Variants in SP110 observed in about 807,000 individuals in gnomAD.
The protein encoded by SP110 is interferon-induced protein 41, 30kD.
In SP110, 62 loss-of-function variants were observed where a neutral mutation model predicts 92.7. The observed-to-expected ratio is 0.67, with a 90% CI of 0.55 to 0.83. The LOEUF is 0.83. SP110 is among the 40% of genes least tolerant of loss of function. The pLI is 0.00. For synonymous variants in SP110, 273 were observed against 305.3 expected (o/e 0.89, Z 1.10); for missense variants, 793 against 863.9 (o/e 0.92, Z 1.03).
rs1359219860 is a variant in SP110, at chr2:230,167,994, C to T, written c.*1130G>A. On this transcript the variant is annotated 3_prime_UTR_variant, in exon 19 of 19. Coordinates refer to ENST00000258381, the MANE Select transcript of SP110 (RefSeq NM_080424.4). ...GGGAACTTGCACATGCCTGTAATCC[C>T]AGCTACTCGGAGGCTGAGGCAGGAG... 1.3e-5 allele frequency: 2 copies of T among 151,046 alleles called. No individual in the cohort carries two copies. The highest frequency in any genetic ancestry group is 4.9e-5 in the African/African-American group (2 of 41,032). The allele number at this position is 151,046 out of a possible 1,614,324, so 9.4% of individuals were successfully genotyped here.
chr2:230,204,002 A>ATG (rs2043477916), intron 8 of SP110, among the ~76,000 whole-genome samples: 1 of 152,162 alleles, frequency 6.6e-6, no homozygotes, highest in Non-Finnish European at 1.5e-5. Context: ...ATTTTATGTC[A>ATG]TGTGTATTTT....
intron 9 of SP110, 57 bp from the exon 10 acceptor site, chr2:230,201,022 C>T (rs1440147620): frequency 4.3e-6 from 6 of 1,380,846 alleles, no homozygotes; most frequent in Non-Finnish European, 6.2e-6. Flanking sequence ...GAGAATCTCC[C>T]AGAGACCCAG....
intron 9 of SP110, 143 bp downstream of exon 9, chr2:230,202,436 T>C (rs2148860016): frequency 1.3e-6 from 1 of 741,740 alleles, no homozygotes; most frequent in Non-Finnish European, 2.2e-6. Context: ...CTCTCTTTGT[T>C]CCTCTTGTTA....
At position 230,172,996 on chromosome 2, in the gene SP110, T is replaced by C. The variant is rs757297259; in HGVS notation, c.1591-37A>G. ...GATAACGTGGGCACCGCTAGGACCA[T>C]GGAGACCCACGAATGCTGACCCTGT... On this transcript the variant is annotated intron_variant, in intron 14 of 18. Coordinates refer to ENST00000258381, the MANE Select transcript of SP110 (RefSeq NM_080424.4). 11 of 1,374,368 alleles carry C rather than the reference T, an allele frequency of 8.0e-6. No homozygotes were observed. In the South Asian group the frequency reaches 1.0e-4, roughly 13 times the overall value. The allele number at this position is 1,374,368 out of a possible 1,614,324, so 85.1% of individuals were successfully genotyped here.
chr2:230,185,145 G>T (rs2042297811), intron 11 of SP110, among the ~76,000 whole-genome samples: 1 of 152,198 alleles, frequency 6.6e-6, no homozygotes, highest in African/African-American at 2.4e-5. Flanking sequence ...GACACTCATG[G>T]CTTCTGCAGA....
intron 4 of SP110, 150 bp from the exon 5 acceptor site, chr2:230,212,580 T>C: frequency 9.4e-7 from 1 of 1,068,842 alleles, no homozygotes; most frequent in Non-Finnish European, 1.5e-6. Flanking sequence ...TGTTCTGGAC[T>C]CTAGGTCTTA....
At chr2:230,220,465 T>C (rs16826886), upstream of SP110, among the ~76,000 whole-genome samples, 1,933 of 152,238 alleles carry the variant, frequency 0.013, 41 homozygotes, top group African/African-American at 0.044. Context: ...CAGGATAAGA[T>C]TATTACAGGA....
At position 230,208,041 on chromosome 2, in the gene SP110, C is replaced by G. The variant is rs754775004; in HGVS notation, c.848G>C (p.Cys283Ser). 18 of 1,559,326 alleles carry G rather than the reference C, an allele frequency of 1.2e-5. No individual in the cohort carries two copies. The highest frequency in any genetic ancestry group is 1.7e-4 in the Middle Eastern group (1 of 5,966). The change falls in exon 8 of 19, where the codon TGT becomes TCT. Residue 283 changes from cysteine (C) to serine (S), a missense_variant. Cys to Ser is a moderately radical substitution (Grantham distance 112, BLOSUM62 -1). Transcript: ENST00000258381. ...SDKKGKKRKR[C>S]IWSTPKRRHK... ...TCTCCTTTTTGGAGTTGACCAGATA[C>G]ATCTTTTTCTTTTCTTTCCTAAAAA...
intron 15 of SP110, chr2:230,172,543 GC>G (rs2078474531): frequency 7.6e-6 from 4 of 524,958 alleles, no homozygotes; most frequent in African/African-American, 5.7e-5. Flanking sequence ...TGTGTGACAA[GC>G]CGTGCTTCCT....
intron 12 of SP110, among the ~76,000 whole-genome samples, chr2:230,182,104 C>T (rs749310733): frequency 3.7e-4 from 56 of 152,212 alleles, no homozygotes; most frequent in Non-Finnish European, 7.2e-4. Flanking sequence ...GGTACATATA[C>T]ACCACGGAAT....
At chr2:230,222,187 G>A (rs144489499), upstream of SP110, among the ~76,000 whole-genome samples, 20 of 147,272 alleles carry the variant, frequency 1.4e-4, no homozygotes, top group East Asian at 1.4e-3. Context: ...CTGAGACTGC[G>A]CCACAGCAGT....
chr2:230,211,634 C>T lies in SP110; in HGVS notation c.668-81G>A. ...TGAGGAGAAAAGAGAATGCTCTATT[C>T]CAACAAGTAAAAATGACGGGGTAAC... On this transcript the variant is annotated intron_variant, in intron 5 of 18. Transcript: ENST00000258381. The surrounding 1 kb of genome is among the most constrained non-coding windows in gnomAD (Gnocchi z 4.2). 2.2e-6 allele frequency: 2 copies of T among 890,110 alleles called. No homozygotes were observed. Among genetic ancestry groups the T allele is most frequent in the Non-Finnish European group, 3.8e-6 (2 of 524,722 alleles). The allele number at this position is 890,110 out of a possible 1,614,324, so 55.1% of individuals were successfully genotyped here. A position where few individuals can be genotyped will look rare whatever the true frequency, so the allele number is the denominator to read the frequency against.
In SP110 at chr2:230,165,895, C is replaced by CTTT. The variant is rs34761414; in HGVS notation, c.*3226_*3228dup. 6.5e-3 allele frequency among the ~76,000 whole-genome samples: 902 copies of CTTT among 138,874 alleles called. 18 individuals are homozygous for CTTT. The highest frequency in any genetic ancestry group is 0.023 in the African/African-American group (845 of 37,322). 91.1% of individuals were successfully genotyped at this position (138,874 alleles called of 152,430 possible). Reference sequence around the variant, plus strand: ...GACAGAAATAAGACCACCTATATAACTTTTTTTTTTTTTTTTGAAACAGAG... The same window carrying CTTT: ...GACAGAAATAAGACCACCTATATAACTTTTTTTTTTTTTTTTTTTGAAACAGAG... On this transcript the variant is annotated 3_prime_UTR_variant, in exon 19 of 19. Coordinates refer to ENST00000258381, the MANE Select transcript of SP110 (RefSeq NM_080424.4).
intron 2 of SP110, among the ~76,000 whole-genome samples, chr2:230,215,763 G>T (rs963816205): frequency 6.6e-6 from 1 of 152,232 alleles, no homozygotes; most frequent in Non-Finnish European, 1.5e-5. Context: ...ATATTTGGGG[G>T]TCAGGGTAGG....
chr2:230,223,331 A>G (rs1251863614), upstream of SP110, among the ~76,000 whole-genome samples: 1 of 152,166 alleles, frequency 6.6e-6, no homozygotes, highest in Non-Finnish European at 1.5e-5. Context: ...CACCATGCCC[A>G]GCCCAGTCTG....
chr2:230,192,004 C>A (rs937575061), intron 10 of SP110, among the ~76,000 whole-genome samples: 1 of 152,170 alleles, frequency 6.6e-6, no homozygotes, highest in African/African-American at 2.4e-5. Context: ...TAAGCATAAT[C>A]CATCACATAA....
At chr2:230,178,497 T>C (rs17262136) in intron 12 of SP110, among the ~76,000 whole-genome samples, 5 of 152,020 alleles carry the variant, frequency 3.3e-5, no homozygotes, top group African/African-American at 1.2e-4. Context: ...ATATAGGGCA[T>C]CTTCAGTGAA....
Position 230,185,998 on chromosome 2 carries a change from C to T in SP110, c.1275G>A (p.Leu425=), listed in dbSNP as rs1037657836. 4 of 1,613,972 alleles carry T rather than the reference C, an allele frequency of 2.5e-6. No homozygotes were observed. Among genetic ancestry groups the T allele is most frequent in the Non-Finnish European group, 2.5e-6 (3 of 1,179,846 alleles). Residue 425 remains leucine, a synonymous_variant, in exon 11 of 19, where the codon TTG becomes TTA. Transcript: ENST00000258381. Reference sequence around the variant, plus strand: ...AGATTCCATCATTAGCCTTACCTTTCAATCTGGACTTTCGGGCACATTTAG... The same window carrying T: ...AGATTCCATCATTAGCCTTACCTTTTAATCTGGACTTTCGGGCACATTTAG... The part of the protein sequence containing the change: ...ARTKCARKSR[L]KEKKKEKDIC...
At chr2:230,179,343 T>G (rs1574609894) in intron 12 of SP110, among the ~76,000 whole-genome samples, 1 of 151,018 alleles carries the variant, frequency 6.6e-6, no homozygotes, top group African/African-American at 2.4e-5. Flanking sequence ...GTAGTGGGGG[T>G]GTGGGAACTT....
Sources: gnomAD v4.1 joint callset for allele counts (sites outside exome capture counted in the v4.1 genomes callset) on GRCh38, gnomAD v4.1.1 for gene constraint, Gnocchi (gnomAD v3.1) non-coding constraint, MANE v1.5 for transcripts, NCBI Gene and HGNC (gene_info 2026-07-23, HGNC 2026-07-21) for gene names.